MICAL3: variants seen among roughly 807,000 people sequenced by gnomAD.
MICAL3 encodes the protein [F-actin]-monooxygenase MICAL3.
Under a neutral mutation model 207.4 loss-of-function variants are expected in MICAL3, and 62 were observed. The ratio of observed to expected loss-of-function variants is 0.30; its 90% CI spans 0.24 to 0.37. The LOEUF (loss-of-function observed/expected upper bound fraction) is 0.37. Among genes scored for constraint, MICAL3 ranks in the 10% least tolerant of loss-of-function variants. The probability of loss-of-function intolerance (pLI) is 1.00; values close to 1 mark genes in which losing one functional copy is unlikely to be tolerated. For missense variants in MICAL3, 2,368 were observed against 2,635.6 expected, an observed-to-expected ratio of 0.90 and a Z score of 2.22; for synonymous variants, 1,077 against 1,069.3, an observed-to-expected ratio of 1.01 and a Z score of -0.14.
chr22:17,972,934 C>A (rs433047), intron 1 of MICAL3, among the ~76,000 whole-genome samples: 90,609 of 152,112 alleles, frequency 0.6, 27,637 homozygotes, highest in Middle Eastern at 0.73. Context: ...CAATGCCCAC[C>A]CAGACCTGCC....
intron 17 of MICAL3, among the ~76,000 whole-genome samples, chr22:17,870,400 C>T (rs1018235408): frequency 1.3e-5 from 2 of 152,200 alleles, no homozygotes; most frequent in East Asian, 3.8e-4. Context: ...TCGCTGCACA[C>T]ACTCGTGTCG....
chr22:17,883,644 TAGAA>T (rs775535173), intron 16 of MICAL3, among the ~76,000 whole-genome samples: 9 of 152,186 alleles, frequency 5.9e-5, no homozygotes, highest in Non-Finnish European at 1.0e-4. Context: ...GGTTTTCTCT[TAGAA>T]AGCGCATGCC....
At chr22:17,825,486 C>T (rs1473824050) in intron 22 of MICAL3, among the ~76,000 whole-genome samples, 1 of 152,056 alleles carries the variant, frequency 6.6e-6, no homozygotes, top group Non-Finnish European at 1.5e-5. Flanking sequence ...GCCCCACCGC[C>T]CTAGGGACCC....
intron 16 of MICAL3, chr22:17,876,830 GGAGGTTAGGGAGGTTAGGGAGGTTAT>G: frequency 1.5e-5 from 2 of 135,436 alleles, no homozygotes; most frequent in South Asian, 2.2e-4. Context: ...GGGAGGTTAT[GGAGGTTAGGGAGGTTAGGGAGGTTAT>G]GGAGGTTAGG....
At chr22:17,991,486 A>G (rs546796208) in intron 1 of MICAL3, among the ~76,000 whole-genome samples, 2 of 152,270 alleles carry the variant, frequency 1.3e-5, no homozygotes, top group African/African-American at 4.8e-5. Context: ...CCATACATCA[A>G]TTTTGCCTGA....
At chr22:18,007,649 G>C (rs1381746585) in intron 1 of MICAL3, among the ~76,000 whole-genome samples, 1 of 151,966 alleles carries the variant, frequency 6.6e-6, no homozygotes, top group African/African-American at 2.4e-5. Flanking sequence ...CCACTGGCTA[G>C]CAAAGTAAAA....
At chr22:17,812,497 G>A (rs897102711) in intron 27 of MICAL3, 8 of 985,688 alleles carry the variant, frequency 8.1e-6, no homozygotes, top group East Asian at 1.1e-4. Flanking sequence ...TGACAGGAAC[G>A]AGACACTACC....
At chr22:17,866,474 C>T (rs916382251) in intron 17 of MICAL3, among the ~76,000 whole-genome samples, 1 of 152,228 alleles carries the variant, frequency 6.6e-6, no homozygotes, top group Non-Finnish European at 1.5e-5. Context: ...CCCATCTCTG[C>T]TGCTCCCCCT....
intron 16 of MICAL3, among the ~76,000 whole-genome samples, chr22:17,881,735 C>T (rs1390892177): frequency 6.6e-6 from 1 of 152,196 alleles, no homozygotes; most frequent in African/African-American, 2.4e-5. Flanking sequence ...GTGATAGTGG[C>T]TGGCACTGCT....
chr22:17,940,218 G>A (rs536713071), intron 1 of MICAL3, among the ~76,000 whole-genome samples: 1 of 152,362 alleles, frequency 6.6e-6, no homozygotes, highest in African/African-American at 2.4e-5. Flanking sequence ...TTCTTATGGT[G>A]AAAAGTATTT....
At chr22:17,901,092 A>G in intron 5 of MICAL3, 95 bp from the exon 6 acceptor site, 1 of 1,245,586 alleles carries the variant, frequency 8.0e-7, no homozygotes, top group Non-Finnish European at 1.2e-6. Flanking sequence ...ACAACAGGGA[A>G]AGTCAGGGAT....
intron 20 of MICAL3, among the ~76,000 whole-genome samples, chr22:17,837,027 C>G (rs924701886): frequency 6.6e-6 from 1 of 152,236 alleles, no homozygotes; most frequent in African/African-American, 2.4e-5. Context: ...GGACTCAAAT[C>G]CTCTGTCCCG....
In MICAL3 at chr22:17,885,897, GA is replaced by G; in HGVS notation, c.2221del (p.Ser741ProfsTer10). 6.2e-7 allele frequency: 1 copy of G among 1,613,978 alleles called. No individual in the cohort carries two copies. Among genetic ancestry groups the G allele is most frequent in the Non-Finnish European group, 8.5e-7 (1 of 1,179,896 alleles). On this transcript the variant is annotated frameshift_variant, in exon 16 of 32. Transcript: ENST00000441493. LOFTEE classifies it high-confidence loss of function. ...AKFEENAPAQ[S>X]IGIRRQGSMK... ...GTTTACCTGTCTCCGTATGCCGATG[GA>G]CTGTGCGGGCGCATTCTCTTCAAAT...
At position 17,863,909 on chromosome 22, in the gene MICAL3, T is replaced by C. The variant is rs909670061; in HGVS notation, c.2605+990A>G. 6 of 985,452 alleles carry C rather than the reference T, an allele frequency of 6.1e-6. No homozygotes were observed. In the South Asian group the frequency reaches 2.3e-4, roughly 39 times the overall value. The allele number at this position is 985,452 out of a possible 1,614,324, so 61.0% of individuals were successfully genotyped here. On this transcript the variant is annotated intron_variant, in intron 19 of 31. Transcript: ENST00000441493. ...ATCTTTAATTTTTATGAGTTTTGTA[T>C]ATAGCTGCTTGAGATACATGTGTTT...
At chr22:17,957,565 G>C (rs927305500) in intron 1 of MICAL3, among the ~76,000 whole-genome samples, 10 of 152,030 alleles carry the variant, frequency 6.6e-5, no homozygotes. Flanking sequence ...CAAAACATTA[G>C]CTGGGCATGG....
At chr22:17,849,694 T>G (rs1354211915) in intron 19 of MICAL3, among the ~76,000 whole-genome samples, 3 of 135,196 alleles carry the variant, frequency 2.2e-5, no homozygotes, top group Admixed American at 2.2e-4. Context: ...GTGTATTTTT[T>G]TTTTTTTTTT....
At chr22:17,844,979 C>A (rs1015525076) in intron 19 of MICAL3, among the ~76,000 whole-genome samples, 1 of 152,176 alleles carries the variant, frequency 6.6e-6, no homozygotes, top group Non-Finnish European at 1.5e-5. Flanking sequence ...TTCTCCTCAT[C>A]AAAATCCATG....
At chr22:17,915,172 G>A (rs118141222) in intron 1 of MICAL3, among the ~76,000 whole-genome samples, 1,871 of 152,350 alleles carry the variant, frequency 0.012, 21 homozygotes, top group Non-Finnish European at 0.016. Context: ...AGTCAGTGCA[G>A]TTACTTTTGC....
Position 17,808,877 on chromosome 22 carries a change from C to T in MICAL3, c.5617G>A (p.Val1873Met), listed in dbSNP as rs76474025. 1.1e-4 allele frequency: 168 copies of T among 1,553,012 alleles called. No individual in the cohort carries two copies. Among genetic ancestry groups the T allele is most frequent in the Non-Finnish European group, 1.4e-4 (162 of 1,148,064 alleles). The change falls in exon 29 of 32, where the codon GTG becomes ATG. Residue 1873 changes from valine (V) to methionine (M), a missense_variant. Coordinates refer to ENST00000441493, the MANE Select transcript of MICAL3 (RefSeq NM_015241.3). ...CCCCGGAGCGCCTTCTCCACAGCCA[C>T]GCCCCTTTCCTCCAGCCGCCGCTGC... ...ERQRRLEERG[V>M]AVEKALRGEA... is the part of the protein sequence containing the mutation.
Sources: gnomAD v4.1 joint callset for allele counts (sites outside exome capture counted in the v4.1 genomes callset) on GRCh38, gnomAD v4.1.1 for gene constraint, MANE v1.5 for transcripts, NCBI Gene and HGNC (gene_info 2026-07-23, HGNC 2026-07-21) for gene names.